The following ZNF366 variants were observed in gnomAD, a reference collection of about 807,000 sequenced individuals.
ZNF366 encodes zinc finger protein 366.
ZNF366 carries 20 observed loss-of-function variants against 47.2 expected under a neutral mutation model. That is an observed-to-expected ratio of 0.42 (90% CI 0.30 to 0.62). The LOEUF (loss-of-function observed/expected upper bound fraction) is 0.62. Among genes scored for constraint, ZNF366 ranks in the 20% least tolerant of loss-of-function variants. The pLI is 0.16. For synonymous variants in ZNF366, 421 were observed against 395.1 expected (o/e 1.07, Z -0.78); for missense variants, 987 against 976.3 (o/e 1.01, Z -0.15).
chr5:72,462,541 TTCTTTC>T, intron 1 of ZNF366, among the ~76,000 whole-genome samples: 1 of 84,528 alleles, frequency 1.2e-5, no homozygotes, highest in South Asian at 4.4e-4. Context: ...CTTTCTTTCT[TTCTTTC>T]TTTTTTTTTT....
intron 1 of ZNF366, among the ~76,000 whole-genome samples, chr5:72,483,126 G>A (rs372194959): frequency 2.0e-5 from 3 of 152,170 alleles, no homozygotes; most frequent in East Asian, 3.8e-4. Context: ...GCATCCAGTG[G>A]TGTCAAAGCT....
chr5:72,460,354 C>G lies in ZNF366; in HGVS notation c.1143G>C (p.Lys381Asn). The change falls in exon 2 of 5, where the codon AAG (lysine) becomes AAC (asparagine). Residue 381 changes from lysine (K) to asparagine (N), a missense_variant. Around this residue, in one of 3 missense-constraint regions of ZNF366, gnomAD observed 591 missense variants for 560.9 expected, o/e 1.05. Coordinates refer to ENST00000318442, the MANE Select transcript of ZNF366 (RefSeq NM_152625.3). ...GLDFPTLAQL[K>N]RHLTTHRGPI... ...GGCCCCGGTGCGTGGTGAGGTGTCTCTTCAGCTGGGCCAAGGTGGGGAAGT... is the reference window on the plus strand; with the variant it reads ...GGCCCCGGTGCGTGGTGAGGTGTCTGTTCAGCTGGGCCAAGGTGGGGAAGT... 1 of 1,614,254 alleles carries G rather than the reference C, an allele frequency of 6.2e-7. No homozygotes were observed. Among genetic ancestry groups the G allele is most frequent in the Non-Finnish European group, 8.5e-7 (1 of 1,180,052 alleles).
chr5:72,444,003 CA>C lies in ZNF366; in HGVS notation c.1987del (p.Cys663AlafsTer65), dbSNP rs1425540140. On this transcript the variant is annotated frameshift_variant, in exon 5 of 5. Coordinates refer to ENST00000318442, the MANE Select transcript of ZNF366 (RefSeq NM_152625.3). LOFTEE classifies it low-confidence loss of function (END_TRUNC). ...EHAPEVLEEA[C>X]KEEKEDASKG... Reference sequence around the variant, plus strand: ...GGATGCATCCTCCTTCTCCTCCTTGCAGGCTTCCTCCAGCACCTCGGGGGCG... The same window carrying C: ...GGATGCATCCTCCTTCTCCTCCTTGCGGCTTCCTCCAGCACCTCGGGGGCG... 2 of 1,614,200 alleles carry C rather than the reference CA, an allele frequency of 1.2e-6. No homozygotes were observed. Among genetic ancestry groups the C allele is most frequent in the Admixed American group, 1.7e-5 (1 of 60,028 alleles).
chr5:72,484,497 AT>A lies in ZNF366; in HGVS notation c.-15+22753del, dbSNP rs200070603. 2.9e-3 allele frequency among the ~76,000 whole-genome samples: 418 copies of A among 143,178 alleles called. 2 individuals carry two copies. Among genetic ancestry groups the A allele is most frequent in the African/African-American group, 3.7e-3 (144 of 38,520 alleles). The allele number at this position is 143,178 out of a possible 152,430, so 93.9% of individuals were successfully genotyped here. ...AGACTCCGTCTCAAAAAAAAAAAAAATAATAATAATAATAATAATTTCATTA... is the reference window on the plus strand; with the variant it reads ...AGACTCCGTCTCAAAAAAAAAAAAAAAATAATAATAATAATAATTTCATTA... On this transcript the variant is annotated intron_variant, in intron 1 of 4. Transcript: ENST00000318442.
At chr5:72,456,271 C>G in intron 3 of ZNF366, 133 bp downstream of exon 3, 1 of 898,060 alleles carries the variant, frequency 1.1e-6, no homozygotes, top group Non-Finnish European at 1.7e-6. Context: ...GCAGATGGGA[C>G]CTGGGGTTGG....
chr5:72,454,170 G>C lies in ZNF366; in HGVS notation c.1524+2234C>G, dbSNP rs149492642. Among the ~76,000 whole-genome samples, 556 of 152,296 alleles carry C rather than the reference G, an allele frequency of 3.7e-3. 4 individuals are homozygous for C. Among genetic ancestry groups the C allele is most frequent in the African/African-American group, 0.011 (465 of 41,572 alleles). On this transcript the variant is annotated intron_variant, in intron 3 of 4. Transcript: ENST00000318442. ...CTAACCTCAAGAAATGGGTAAAATA[G>C]TTTCTGAACTGTAAAGCTGAGCATC...
intron 1 of ZNF366, among the ~76,000 whole-genome samples, chr5:72,462,534 TC>T (rs1326595596): frequency 2.4e-5 from 2 of 81,686 alleles, no homozygotes; most frequent in Admixed American, 2.2e-4. Context: ...TTTCTTTCTT[TC>T]TTTCTTTCTT....
At chr5:72,506,952 C>T (rs1176368771) in intron 1 of ZNF366, among the ~76,000 whole-genome samples, 1 of 152,198 alleles carries the variant, frequency 6.6e-6, no homozygotes, top group Non-Finnish European at 1.5e-5. Flanking sequence ...GGACACATCT[C>T]ACACGCCAGT....
rs1742890056 is a variant in ZNF366 at position 72,443,106 on chromosome 5, C to T, written c.*650G>A. 6.6e-6 allele frequency: 1 copy of T among 152,246 alleles called. No individual in the cohort carries two copies. The highest frequency in any genetic ancestry group is 2.4e-5 in the African/African-American group (1 of 41,454). The allele number at this position is 152,246 out of a possible 1,614,324, so 9.4% of individuals were successfully genotyped here. A position where few individuals can be genotyped will look rare whatever the true frequency, so the allele number is the denominator to read the frequency against. ...CATCTGAAAAATAATGCTCCAAATG[C>T]TCAATCTGATGAAGACAGCCGACAC... On this transcript the variant is annotated 3_prime_UTR_variant, in exon 5 of 5. Coordinates refer to ENST00000318442, the MANE Select transcript of ZNF366 (RefSeq NM_152625.3).
intron 2 of ZNF366, among the ~76,000 whole-genome samples, chr5:72,459,546 G>A (rs1386930240): frequency 1.3e-5 from 2 of 152,168 alleles, no homozygotes; most frequent in African/African-American, 4.8e-5. Context: ...AAACAGAGAA[G>A]GATGCTTTCT....
intron 2 of ZNF366, among the ~76,000 whole-genome samples, chr5:72,458,878 C>G (rs1743246093): frequency 6.6e-6 from 1 of 152,174 alleles, no homozygotes; most frequent in South Asian, 2.1e-4. Context: ...CTGTTTCTCC[C>G]ATTTTGACTT....
rs563162423 is a variant in ZNF366 at position 72,480,426 on chromosome 5, T to C, written c.-14-18916A>G. ...TCGACTTTTAGTGGTTTGGAATGAC[T>C]TGGTTCTGGTGGATTTCAATCAATA... On this transcript the variant is annotated intron_variant, in intron 1 of 4. Coordinates refer to ENST00000318442, the MANE Select transcript of ZNF366 (RefSeq NM_152625.3). 5.3e-5 allele frequency among the ~76,000 whole-genome samples: 8 copies of C among 152,324 alleles called. No individual in the cohort carries two copies. The East Asian group carries it at 1.5e-3, about 29-fold the overall frequency.
At chr5:72,495,135 A>G (rs764025359) in intron 1 of ZNF366, among the ~76,000 whole-genome samples, 2 of 152,040 alleles carry the variant, frequency 1.3e-5, no homozygotes, top group Non-Finnish European at 2.9e-5. Context: ...AAAATAAGCC[A>G]TTTCATCACT....
intron 2 of ZNF366, among the ~76,000 whole-genome samples, chr5:72,457,494 T>C (rs1047484954): frequency 1.3e-5 from 2 of 152,202 alleles, no homozygotes; most frequent in African/African-American, 2.4e-5. Context: ...GTTACTTAGT[T>C]AACAACTGTA....
At chr5:72,467,460 G>A (rs1397177582) in intron 1 of ZNF366, among the ~76,000 whole-genome samples, 1 of 152,196 alleles carries the variant, frequency 6.6e-6, no homozygotes, top group Admixed American at 6.5e-5. Flanking sequence ...AGTTTTGGGG[G>A]AAATATGCTG....
chr5:72,467,819 T>C (rs1003949239), intron 1 of ZNF366, among the ~76,000 whole-genome samples: 1 of 152,136 alleles, frequency 6.6e-6, no homozygotes, highest in African/African-American at 2.4e-5. Context: ...AGTTTACTTA[T>C]GTGATGTACC....
intron 1 of ZNF366, chr5:72,494,424 A>C (rs1744072001): frequency 6.6e-6 from 1 of 152,204 alleles, no homozygotes; most frequent in African/African-American, 2.4e-5. Context: ...TTCCTGACAA[A>C]TACAGTTCTG....
At chr5:72,474,651 TGC>T (rs1743636454) in intron 1 of ZNF366, among the ~76,000 whole-genome samples, 1 of 150,244 alleles carries the variant, frequency 6.7e-6, no homozygotes, top group African/African-American at 2.5e-5. Flanking sequence ...TGTACACCCA[TGC>T]ACACACACAC....
chr5:72,446,910 C>T (rs1742971846), intron 4 of ZNF366, among the ~76,000 whole-genome samples: 1 of 152,182 alleles, frequency 6.6e-6, no homozygotes, highest in African/African-American at 2.4e-5. Context: ...AGCCTTCATT[C>T]CCCCGCTGTA....
Sources: gnomAD v4.1 joint callset for allele counts (sites outside exome capture counted in the v4.1 genomes callset) on GRCh38, gnomAD v4.1.1 for gene constraint, gnomAD v4.1.1 regional missense constraint, MANE v1.5 for transcripts, NCBI Gene and HGNC (gene_info 2026-07-23, HGNC 2026-07-21) for gene names.